NWD2: variants seen among roughly 807,000 people sequenced by gnomAD.
NWD2 encodes NACHT and WD repeat domain-containing protein 2.
In NWD2, 37 loss-of-function variants were observed where a neutral mutation model predicts 132.7. The observed-to-expected ratio is 0.28, with a 90% CI of 0.21 to 0.37. NWD2 has a LOEUF of 0.37. NWD2 is among the 10% of genes least tolerant of loss of function. NWD2 has a pLI of 1.00. For synonymous variants in NWD2, 705 were observed against 803.0 expected (o/e 0.88, Z 2.06); for missense variants, 1,592 against 2,122.4 (o/e 0.75, Z 4.91).
chr4:37,408,719 A>G (rs553097813), intron 3 of NWD2, among the ~76,000 whole-genome samples: 14 of 152,278 alleles, frequency 9.2e-5, no homozygotes, highest in South Asian at 2.1e-4. Flanking sequence ...CCTGACCCCT[A>G]TGTATCCTGA....
At position 37,325,811 on chromosome 4, in the gene NWD2, T is replaced by C. The variant is rs946705542; in HGVS notation, c.152-125T>C. 5.1e-6 allele frequency: 3 copies of C among 592,050 alleles called. No individual in the cohort carries two copies. In the African/African-American group the frequency reaches 5.8e-5, roughly 11 times the overall value. The allele number at this position is 592,050 out of a possible 1,614,324, so 36.7% of individuals were successfully genotyped here. On this transcript the variant is annotated intron_variant, in intron 1 of 6. Transcript: ENST00000309447. ...ACACCAACAGCCAAATATCCTGTTA[T>C]TTCACAATCCAGCACCTCAACTTGA...
chr4:37,434,028 T>C lies in NWD2; in HGVS notation c.706+8T>C, dbSNP rs1310903783. 6.5e-7 allele frequency: 1 copy of C among 1,531,518 alleles called. No homozygotes were observed. The highest frequency in any genetic ancestry group is 2.5e-5 in the East Asian group (1 of 40,778). The allele number at this position is 1,531,518 out of a possible 1,614,324, so 94.9% of individuals were successfully genotyped here. A position where few individuals can be genotyped will look rare whatever the true frequency, so the allele number is the denominator to read the frequency against. On this transcript the variant is annotated splice_region_variant and intron_variant, in intron 5 of 6. Coordinates refer to ENST00000309447, the MANE Select transcript of NWD2 (RefSeq NM_001144990.2). The stretch of plus-strand genomic sequence containing the variant: ...AGAGGTACCTGTTCTCAGGTAATTT[T>C]CCCATACCTTCAGTAAAATAAGAAA...
intron 1 of NWD2, among the ~76,000 whole-genome samples, chr4:37,246,592 GA>G (rs888408426): frequency 2.0e-5 from 3 of 151,732 alleles, no homozygotes; most frequent in Non-Finnish European, 2.9e-5. Context: ...TGGATTTAAA[GA>G]AAAAAAATGG....
At chr4:37,277,511 G>A (rs1718044707) in intron 1 of NWD2, among the ~76,000 whole-genome samples, 1 of 151,162 alleles carries the variant, frequency 6.6e-6, no homozygotes, top group Non-Finnish European at 1.5e-5. Flanking sequence ...TTTTTATTCT[G>A]TCATCTCAAG....
intron 1 of NWD2, among the ~76,000 whole-genome samples, chr4:37,323,611 C>A (rs1719112488): frequency 6.6e-6 from 1 of 152,014 alleles, no homozygotes; most frequent in Non-Finnish European, 1.5e-5. Context: ...ATTAGCTCAG[C>A]CACTGTGGAA....
intron 3 of NWD2, among the ~76,000 whole-genome samples, chr4:37,376,921 A>T (rs970868346): frequency 3.3e-5 from 5 of 152,188 alleles, no homozygotes; most frequent in Non-Finnish European, 7.3e-5. Flanking sequence ...AGCCTCATGT[A>T]TCAGGAATAC....
intron 1 of NWD2, among the ~76,000 whole-genome samples, chr4:37,274,727 T>G (rs1717951674): frequency 6.6e-6 from 1 of 151,940 alleles, no homozygotes; most frequent in African/African-American, 2.4e-5. Context: ...AAAAAGCTTA[T>G]CCACCATGAT....
chr4:37,307,644 T>C (rs1470403394), intron 1 of NWD2, among the ~76,000 whole-genome samples: 1 of 152,240 alleles, frequency 6.6e-6, no homozygotes, highest in African/African-American at 2.4e-5. Flanking sequence ...TAGTTTCCTG[T>C]ATCTGAATAT....
intron 3 of NWD2, among the ~76,000 whole-genome samples, chr4:37,384,344 C>G (rs900067364): frequency 6.6e-6 from 1 of 152,176 alleles, no homozygotes; most frequent in Non-Finnish European, 1.5e-5. Context: ...TGCGTTCTTC[C>G]TTCATTCCCT....
At chr4:37,274,120 C>CA (rs1385187046) in intron 1 of NWD2, among the ~76,000 whole-genome samples, 10 of 151,848 alleles carry the variant, frequency 6.6e-5, no homozygotes, top group African/African-American at 2.2e-4. Context: ...AAAAACCCTT[C>CA]AAAAAATCAA....
intron 3 of NWD2, among the ~76,000 whole-genome samples, chr4:37,428,590 G>A (rs1201005098): frequency 6.6e-6 from 1 of 152,216 alleles, no homozygotes; most frequent in East Asian, 1.9e-4. Context: ...GTTTTTAGTA[G>A]CTCTGGGATG....
At position 37,445,207 on chromosome 4, in the gene NWD2, A is replaced by T. The variant is rs115501832; in HGVS notation, c.3219A>T (p.Ala1073=). 1,780 of 1,551,916 alleles carry T rather than the reference A, an allele frequency of 1.1e-3. 15 individuals are homozygous for T. The African/African-American group carries it at 0.021, about 18-fold the overall frequency. ...GFTLSANHAL[A]WLEASKDVTV... Reference sequence around the variant, plus strand: ...CACTGTCCGCCAACCACGCCCTTGCATGGCTCGAAGCCAGCAAAGATGTCA... The same window carrying T: ...CACTGTCCGCCAACCACGCCCTTGCTTGGCTCGAAGCCAGCAAAGATGTCA... The change falls in exon 7 of 7, where the codon GCA becomes GCT. Residue 1073 remains alanine, a synonymous_variant. Coordinates refer to ENST00000309447, the MANE Select transcript of NWD2 (RefSeq NM_001144990.2). The surrounding 1 kb of genome is among the most constrained non-coding windows in gnomAD (Gnocchi z 4.7).
chr4:37,335,508 T>C (rs1719388825), intron 2 of NWD2, among the ~76,000 whole-genome samples: 1 of 152,122 alleles, frequency 6.6e-6, no homozygotes, highest in Non-Finnish European at 1.5e-5. Context: ...ATTATTTATA[T>C]CTTCATAGTA....
At chr4:37,375,209 T>C (rs1276392778) in intron 3 of NWD2, among the ~76,000 whole-genome samples, 1 of 152,206 alleles carries the variant, frequency 6.6e-6, no homozygotes, top group East Asian at 1.9e-4. Flanking sequence ...CAAACCGATA[T>C]AACCAACTTT....
At chr4:37,270,923 T>C (rs886983131) in intron 1 of NWD2, among the ~76,000 whole-genome samples, 2 of 151,888 alleles carry the variant, frequency 1.3e-5, no homozygotes, top group Admixed American at 1.3e-4. Flanking sequence ...TTTTTGCATG[T>C]GGTAAAAGAC....
chr4:37,416,601 G>C (rs1711607157), intron 3 of NWD2, among the ~76,000 whole-genome samples: 1 of 151,976 alleles, frequency 6.6e-6, no homozygotes, highest in Non-Finnish European at 1.5e-5. Context: ...TGCCACTCTT[G>C]GGTACCTACC....
At chr4:37,297,324 T>C (rs903091636) in intron 1 of NWD2, among the ~76,000 whole-genome samples, 4 of 152,220 alleles carry the variant, frequency 2.6e-5, no homozygotes, top group African/African-American at 7.2e-5. Flanking sequence ...TAAATAGTTA[T>C]ACTGTATTAT....
chr4:37,288,987 T>G (rs1718305055), intron 1 of NWD2, among the ~76,000 whole-genome samples: 1 of 152,172 alleles, frequency 6.6e-6, no homozygotes, highest in Non-Finnish European at 1.5e-5. Context: ...AATTGACTTT[T>G]AAAATATTTT....
intron 1 of NWD2, among the ~76,000 whole-genome samples, chr4:37,258,722 A>G (rs192030001): frequency 1.7e-3 from 261 of 152,342 alleles, no homozygotes; most frequent in African/African-American, 5.3e-3. Flanking sequence ...CAGTGTGCTT[A>G]TCTGAAGAAG....
Sources: gnomAD v4.1 joint callset for allele counts (sites outside exome capture counted in the v4.1 genomes callset) on GRCh38, gnomAD v4.1.1 for gene constraint, Gnocchi (gnomAD v3.1) non-coding constraint, MANE v1.5 for transcripts, NCBI Gene and HGNC (gene_info 2026-07-23, HGNC 2026-07-21) for gene names.